CEP192: variants seen among roughly 807,000 people sequenced by gnomAD.
The protein encoded by CEP192 is centrosomal protein 192.
CEP192 carries 151 observed loss-of-function variants against 271.8 expected under a neutral mutation model. That is an observed-to-expected ratio of 0.56 (90% CI 0.49 to 0.64). CEP192 has a LOEUF of 0.64. Among genes scored for constraint, CEP192 ranks in the 30% least tolerant of loss-of-function variants. The pLI, the probability that CEP192 is intolerant of heterozygous loss-of-function variation, is 0.00. For missense variants in CEP192, 2,910 were observed against 3,020.5 expected (o/e 0.96, Z 0.86); for synonymous variants, 995 against 1,076.5 (o/e 0.92, Z 1.48).
chr18:13,010,588 G>A (rs1460006763), intron 4 of CEP192, among the ~76,000 whole-genome samples: 1 of 152,120 alleles, frequency 6.6e-6, no homozygotes, highest in Non-Finnish European at 1.5e-5. Flanking sequence ...GGCTCACACC[G>A]GTAATCTCAG....
At chr18:13,027,795 T>C (rs1347857076) in intron 9 of CEP192, among the ~76,000 whole-genome samples, 3 of 152,208 alleles carry the variant, frequency 2.0e-5, no homozygotes, top group Admixed American at 6.5e-5. Context: ...TTTTAATCTT[T>C]GCAAGTGTTG....
chr18:13,046,071 GC>G (rs1038162578), intron 15 of CEP192, among the ~76,000 whole-genome samples: 2 of 152,092 alleles, frequency 1.3e-5, no homozygotes, highest in Non-Finnish European at 2.9e-5. Flanking sequence ...GGTTTAACGG[GC>G]CCATAGTTCT....
intron 1 of CEP192, among the ~76,000 whole-genome samples, chr18:12,994,758 C>T (rs2033105826): frequency 6.6e-6 from 1 of 152,120 alleles, no homozygotes; most frequent in Non-Finnish European, 1.5e-5. Context: ...TGACCTCAGT[C>T]CTTATAATTC....
At chr18:13,092,619 A>G in intron 34 of CEP192, 92 bp downstream of exon 34, 2 of 906,146 alleles carry the variant, frequency 2.2e-6, no homozygotes, top group Non-Finnish European at 3.3e-6. Context: ...CACTATTATT[A>G]TTATTTTGTC....
At chr18:13,041,163 A>C (rs1377956297) in intron 14 of CEP192, among the ~76,000 whole-genome samples, 1 of 152,202 alleles carries the variant, frequency 6.6e-6, no homozygotes, top group Non-Finnish European at 1.5e-5. Context: ...AATCTACCTA[A>C]ATTTGTAAAA....
intron 30 of CEP192, among the ~76,000 whole-genome samples, chr18:13,079,432 C>G (rs2038470911): frequency 6.6e-6 from 1 of 152,128 alleles, no homozygotes; most frequent in African/African-American, 2.4e-5. Context: ...GCATAAATGT[C>G]TTCTTTTGAG....
Position 13,069,132 on chromosome 18 carries a change from A to G in CEP192, c.5006A>G (p.His1669Arg), listed in dbSNP as rs140134264. The change falls in exon 26 of 45, where the codon CAC becomes CGC. Residue 1669 changes from histidine to arginine, a missense_variant. Transcript: ENST00000506447. ...LAKVASSRKQ[H>R]LPLKNAGNIE... ...AAAGTGGCTTCCTCAAGAAAGCAGC[A>G]CTTACCTTTGAAAAATGCTGGGAAC... The G allele has an allele frequency of 3.1e-4, 496 of 1,614,214 alleles. 5 individuals are homozygous for G. In the East Asian group the frequency reaches 8.2e-3, roughly 27 times the overall value.
chr18:13,046,352 A>G (rs755299038), intron 15 of CEP192, among the ~76,000 whole-genome samples: 1 of 152,192 alleles, frequency 6.6e-6, no homozygotes, highest in African/African-American at 2.4e-5. Context: ...ACATCTCAAC[A>G]TAAGATTTGG....
At chr18:13,069,255 G>A in intron 26 of CEP192, 74 bp downstream of exon 26, 2 of 1,281,448 alleles carry the variant, frequency 1.6e-6, no homozygotes, top group South Asian at 1.2e-5. Context: ...TCTGCAGGCT[G>A]TTGTGCTCTT....
At chr18:13,011,024 C>T (rs1213565744) in intron 4 of CEP192, among the ~76,000 whole-genome samples, 6 of 151,904 alleles carry the variant, frequency 3.9e-5, no homozygotes, top group African/African-American at 7.3e-5. Context: ...GTCAGGAGTT[C>T]GAGACCAGCC....
intron 30 of CEP192, among the ~76,000 whole-genome samples, chr18:13,075,831 C>T (rs1368043567): frequency 6.6e-6 from 1 of 152,140 alleles, no homozygotes; most frequent in East Asian, 1.9e-4. Flanking sequence ...GTGCATCTTA[C>T]TTGCTGGTCA....
chr18:13,094,559 T>C (rs2039298625), intron 34 of CEP192, among the ~76,000 whole-genome samples: 1 of 152,192 alleles, frequency 6.6e-6, no homozygotes, highest in African/African-American at 2.4e-5. Context: ...CACAGCAGGA[T>C]GTTTAGGCTC....
intron 21 of CEP192, among the ~76,000 whole-genome samples, chr18:13,062,871 C>A (rs1417362898): frequency 6.6e-6 from 1 of 152,180 alleles, no homozygotes; most frequent in Non-Finnish European, 1.5e-5. Flanking sequence ...CCCCACCTCA[C>A]CCCCAACCCC....
intron 30 of CEP192, among the ~76,000 whole-genome samples, chr18:13,073,408 T>G (rs985923631): frequency 1.3e-5 from 2 of 152,244 alleles, no homozygotes; most frequent in African/African-American, 4.8e-5. Flanking sequence ...CTAATGCTTT[T>G]AAGTTTCATT....
intron 28 of CEP192, 54 bp downstream of exon 28, chr18:13,071,266 A>G (rs1450074211): frequency 6.8e-7 from 1 of 1,459,888 alleles, no homozygotes; most frequent in African/African-American, 1.4e-5. Context: ...TTTGGAGCAG[A>G]CTACAAATTA....
chr18:13,055,418 C>T (rs555501723), intron 18 of CEP192, among the ~76,000 whole-genome samples: 5 of 152,276 alleles, frequency 3.3e-5, no homozygotes, highest in South Asian at 4.2e-4. Flanking sequence ...CTTGCTCAGC[C>T]CCCACTCCTT....
intron 15 of CEP192, among the ~76,000 whole-genome samples, chr18:13,045,810 G>A (rs1447816166): frequency 6.6e-6 from 1 of 152,206 alleles, no homozygotes; most frequent in Non-Finnish European, 1.5e-5. Flanking sequence ...TCTCCTCAGT[G>A]TGTAGTAATG....
intron 36 of CEP192, among the ~76,000 whole-genome samples, chr18:13,097,731 A>G (rs1221979114): frequency 6.7e-6 from 1 of 148,404 alleles, no homozygotes. Context: ...AGTGGAGGGA[A>G]GGTCAGCAGA....
intron 14 of CEP192, among the ~76,000 whole-genome samples, chr18:13,041,826 A>G (rs2036224927): frequency 6.6e-6 from 1 of 152,194 alleles, no homozygotes; most frequent in Non-Finnish European, 1.5e-5. Flanking sequence ...TCAGACTCCC[A>G]AAGTGCTGGG....
Sources: allele counts gnomAD v4.1 joint callset (sites outside exome capture counted in the v4.1 genomes callset), GRCh38; gene constraint gnomAD v4.1.1; transcripts MANE v1.5; gene names NCBI Gene and HGNC (gene_info 2026-07-23, HGNC 2026-07-21).